The following SEC16A variants were observed in gnomAD, a reference collection of about 807,000 sequenced individuals.
SEC16A encodes the protein protein transport protein Sec16A.
A neutral mutation model predicts 221.9 loss-of-function variants in SEC16A; 110 were observed. That is an observed-to-expected ratio of 0.50 (90% CI 0.42 to 0.58). SEC16A has a LOEUF of 0.58. Ranked by LOEUF, SEC16A falls within the 20% of genes least tolerant of loss-of-function variation. The pLI is 0.00. For missense variants in SEC16A, 3,165 were observed against 3,097.8 expected (o/e 1.02, Z -0.52); for synonymous variants, 1,393 against 1,257.7 (o/e 1.11, Z -2.28).
At position 136,461,164 on chromosome 9, in the gene SEC16A, T is replaced by G; in HGVS notation, c.4991+13A>C. On this transcript the variant is annotated intron_variant, in intron 13 of 31. Transcript: ENST00000684901. ...AGGGCTCGCCACTGGACCAGGCCAC[T>G]GTGGGACTGTACCTGGTCATGACTC... 6.3e-7 allele frequency: 1 copy of G among 1,589,392 alleles called. No individual in the cohort carries two copies. The highest frequency in any genetic ancestry group is 8.6e-7 in the Non-Finnish European group (1 of 1,166,006).
Position 136,475,967 on chromosome 9 carries a change from T to G in SEC16A, c.1649A>C (p.Glu550Ala). 6.2e-7 allele frequency: 1 copy of G among 1,613,432 alleles called. No homozygotes were observed. Among genetic ancestry groups the G allele is most frequent in the Non-Finnish European group, 8.5e-7 (1 of 1,179,890 alleles). Residue 550 changes from glutamate (E) to alanine (A), a missense_variant, in exon 3 of 32, where the codon GAA (glutamate) becomes GCA (alanine). Coordinates refer to ENST00000684901, the MANE Select transcript of SEC16A (RefSeq NM_014866.2). The surrounding 1 kb of genome is among the most constrained non-coding windows in gnomAD (Gnocchi z 5.0). ...AGCTTCATCCTCGGGTTTTCCAACT[T>G]CTTGCTGAATGAATGTGCCAACCAG... The part of the protein sequence containing the change: ...QELVGTFIQQ[E>A]VGKPEDEASG...
chr9:136,473,906 G>A (rs1204135964), intron 3 of SEC16A, 143 bp downstream of exon 3: 3 of 884,648 alleles, frequency 3.4e-6, no homozygotes, highest in Non-Finnish European at 5.1e-6. Flanking sequence ...AAGCGTTACT[G>A]GAATACTGTT....
intron 23 of SEC16A, among the ~76,000 whole-genome samples, chr9:136,450,112 G>A (rs183994917): frequency 6.6e-6 from 1 of 152,216 alleles, no homozygotes; most frequent in East Asian, 1.9e-4. Context: ...GCTGAGGCAG[G>A]AGAATTGCTT....
chr9:136,448,042 T>C (rs752794178), intron 24 of SEC16A, 42 bp downstream of exon 24: 39 of 1,578,132 alleles, frequency 2.5e-5, no homozygotes, highest in South Asian at 7.9e-5. Flanking sequence ...GAAAAATCAT[T>C]ACAATTCTTC....
intron 12 of SEC16A, among the ~76,000 whole-genome samples, chr9:136,461,666 T>G (rs1350776652): frequency 6.6e-6 from 1 of 152,170 alleles, no homozygotes; most frequent in Non-Finnish European, 1.5e-5. Context: ...GTGACTCCAG[T>G]AAGGCAGCCT....
Position 136,456,142 on chromosome 9 carries a change from C to T in SEC16A, c.5575G>A (p.Asp1859Asn), listed in dbSNP as rs779034061. ...VQMASQLRLFDPQLKEKPEEE... is the reference protein window; with the variant it reads ...VQMASQLRLFNPQLKEKPEEE... Reference sequence around the variant, plus strand: ...TCTGGCTTCTCTTTCAGCTGGGGATCGAAGAGTCGTAACTGGGAAGCCATC... The same window carrying T: ...TCTGGCTTCTCTTTCAGCTGGGGATTGAAGAGTCGTAACTGGGAAGCCATC... The change falls in exon 19 of 32, where the codon GAT becomes AAT. Residue 1859 changes from aspartate to asparagine, a missense_variant. By Grantham distance (23) the Asp-to-Asn change is conservative. Around this residue, in one of 3 missense-constraint regions of SEC16A, gnomAD observed 1,088 missense variants for 1,089.6 expected, o/e 1.00. Coordinates refer to ENST00000684901, the MANE Select transcript of SEC16A (RefSeq NM_014866.2). The T allele has an allele frequency of 1.3e-5, 21 of 1,612,160 alleles. No homozygotes were observed. The highest frequency in any genetic ancestry group is 2.2e-5 in the East Asian group (1 of 44,882).
intron 20 of SEC16A, among the ~76,000 whole-genome samples, chr9:136,454,692 T>C (rs970674742): frequency 6.6e-6 from 1 of 152,222 alleles, no homozygotes. Flanking sequence ...CATTCCTTCA[T>C]TCTTCCGACT....
chr9:136,471,643 C>G (rs550705726), intron 4 of SEC16A, among the ~76,000 whole-genome samples: 7 of 152,176 alleles, frequency 4.6e-5, no homozygotes, highest in Non-Finnish European at 7.3e-5. Flanking sequence ...AGCAAATGGC[C>G]GGACCAACAG....
At chr9:136,461,387 C>G in intron 12 of SEC16A, 113 bp from the exon 13 acceptor site, 2 of 736,124 alleles carry the variant, frequency 2.7e-6, no homozygotes, top group Non-Finnish European at 2.4e-6. Context: ...AACCCAAAGG[C>G]CTCAAAAACA....
Position 136,466,263 on chromosome 9 carries a change from C to T in SEC16A, c.4128+1G>A, listed in dbSNP as rs1840142627. The T allele has an allele frequency of 6.3e-7, 1 of 1,582,806 alleles. No individual in the cohort carries two copies. The highest frequency in any genetic ancestry group is 1.3e-5 in the African/African-American group (1 of 74,248). On this transcript the variant is annotated splice_donor_variant, in intron 7 of 31. Coordinates refer to ENST00000684901, the MANE Select transcript of SEC16A (RefSeq NM_014866.2). LOFTEE classifies it high-confidence loss of function. The surrounding 1 kb of genome is among the most constrained non-coding windows in gnomAD (Gnocchi z 5.5). Reference sequence around the variant, plus strand: ...CGTGTCTGTGAGGCGCCGCCGCGTACCTGGTGCGAGTGGGAGCTGAGGCTG... The same window carrying T: ...CGTGTCTGTGAGGCGCCGCCGCGTATCTGGTGCGAGTGGGAGCTGAGGCTG...
chr9:136,461,088 G>T, intron 13 of SEC16A, 89 bp downstream of exon 13: 1 of 988,630 alleles, frequency 1.0e-6, no homozygotes, highest in Non-Finnish European at 1.6e-6. Context: ...AGTGAGATCC[G>T]CCTGCCGCCT....
At position 136,468,881 on chromosome 9, in the gene SEC16A, A is replaced by T. The variant is rs148528823; in HGVS notation, c.3705-369T>A. Among the ~76,000 whole-genome samples, 12 of 152,040 alleles carry T rather than the reference A, an allele frequency of 7.9e-5. No individual in the cohort carries two copies. In the East Asian group the frequency reaches 2.1e-3, roughly 27 times the overall value. ...CTTTTTTTTTCTTGAGACAGGTTTC[A>T]CTCTGTCGCATAGGCTGGAGTGCAG... On this transcript the variant is annotated intron_variant, in intron 4 of 31. Coordinates refer to ENST00000684901, the MANE Select transcript of SEC16A (RefSeq NM_014866.2).
Position 136,477,679 on chromosome 9 carries a change from T to G in SEC16A, c.-64A>C. 1 of 1,477,068 alleles carries G rather than the reference T, an allele frequency of 6.8e-7. No homozygotes were observed. The highest frequency in any genetic ancestry group is 2.4e-5 in the East Asian group (1 of 41,538). 91.5% of individuals were successfully genotyped at this position (1,477,068 alleles called of 1,614,324 possible). On this transcript the variant is annotated 5_prime_UTR_variant, in exon 3 of 32. Coordinates refer to ENST00000684901, the MANE Select transcript of SEC16A (RefSeq NM_014866.2). Reference sequence around the variant, plus strand: ...GAAGCAGGATATAGCTGTTCCTTAATTGGAGCTGGAAAAGAAAAAGAGAAA... The same window carrying G: ...GAAGCAGGATATAGCTGTTCCTTAAGTGGAGCTGGAAAAGAAAAAGAGAAA...
intron 5 of SEC16A, among the ~76,000 whole-genome samples, chr9:136,468,057 TTTTTCATTTCACTTCC>T (rs1294346132): frequency 6.6e-6 from 1 of 152,144 alleles, no homozygotes. Context: ...GAGGAGATGG[TTTTTCATTTCACTTCC>T]TTTTCATCCG....
Position 136,459,822 on chromosome 9 carries a change from A to G in SEC16A, c.5126T>C (p.Leu1709Ser). The G allele has an allele frequency of 6.2e-7, 1 of 1,613,670 alleles. No homozygotes were observed. Among genetic ancestry groups the G allele is most frequent in the East Asian group, 2.2e-5 (1 of 44,882 alleles). The change falls in exon 15 of 32, where the codon TTG (leucine) becomes TCG (serine). Residue 1709 changes from leucine to serine, a missense_variant. Around this residue, in one of 3 missense-constraint regions of SEC16A, gnomAD observed 1,088 missense variants for 1,089.6 expected, o/e 1.00. Coordinates refer to ENST00000684901, the MANE Select transcript of SEC16A (RefSeq NM_014866.2). This position sits in a 1 kb window ranked among gnomAD's most constrained non-coding sequence, Gnocchi z 6.1. ...GTCCATGTTGTTGTTCAAGTTGGAC[A>G]AGACCATGGCGAGGTGCGGCCTCCA... Reference protein sequence around the residue: ...GDWRPHLAMVLSNLNNNMDVE... With the variant: ...GDWRPHLAMVSSNLNNNMDVE...
In SEC16A at chr9:136,466,598, G is replaced by GC. The variant is rs1840195259; in HGVS notation, c.3930-137dup. On this transcript the variant is annotated intron_variant, in intron 6 of 31. Coordinates refer to ENST00000684901, the MANE Select transcript of SEC16A (RefSeq NM_014866.2). The surrounding 1 kb of genome is among the most constrained non-coding windows in gnomAD (Gnocchi z 5.5). ...CAACACAGCACACCCGACACTCAGG[G>GC]CCCTCTGACGTGCAACGTTAGAGAA... 1 of 791,570 alleles carries GC rather than the reference G, an allele frequency of 1.3e-6. No individual in the cohort carries two copies. The highest frequency in any genetic ancestry group is 2.9e-5 in the Admixed American group (1 of 34,196). The allele number at this position is 791,570 out of a possible 1,614,324, so 49.0% of individuals were successfully genotyped here. A position where few individuals can be genotyped will look rare whatever the true frequency, so the allele number is the denominator to read the frequency against.
At position 136,445,069 on chromosome 9, in the gene SEC16A, T is replaced by A. The variant is rs1415737578; in HGVS notation, c.6910A>T (p.Ser2304Cys). ...SSMSSLSREV[S>C]QHFNQAPGDL... ...GCAGGTACCTGATTAAAATGCTGGCTCACTTCACGTGATAATGAACTCATT... is the reference window on the plus strand; with the variant it reads ...GCAGGTACCTGATTAAAATGCTGGCACACTTCACGTGATAATGAACTCATT... Residue 2304 changes from serine (S) to cysteine (C), a missense_variant, in exon 30 of 32, where the codon AGC (serine) becomes TGC (cysteine). Around this residue, in one of 3 missense-constraint regions of SEC16A, gnomAD observed 1,088 missense variants for 1,089.6 expected, o/e 1.00. Transcript: ENST00000684901. 3 of 1,607,042 alleles carry A rather than the reference T, an allele frequency of 1.9e-6. No homozygotes were observed. The East Asian group carries it at 6.7e-5, about 36-fold the overall frequency.
At chr9:136,470,661 G>T (rs1373641820) in intron 4 of SEC16A, among the ~76,000 whole-genome samples, 1 of 152,156 alleles carries the variant, frequency 6.6e-6, no homozygotes, top group African/African-American at 2.4e-5. Context: ...GCTGCACACC[G>T]CCCAGTGCAT....
Position 136,463,010 on chromosome 9 carries a change from C to CAA in SEC16A, c.4769_4770insTT (p.Glu1591TrpfsTer49). ...GGGCCTCACCAGACTCCTCCTCTTC[C>CAA]ACCTGCTCCACTGCCTCATTCGTGA... On this transcript the variant is annotated frameshift_variant, in exon 12 of 32. Transcript: ENST00000684901. LOFTEE classifies it high-confidence loss of function. 6.2e-7 allele frequency: 1 copy of CAA among 1,611,744 alleles called. No individual in the cohort carries two copies. Among genetic ancestry groups the CAA allele is most frequent in the Non-Finnish European group, 8.5e-7 (1 of 1,179,896 alleles).
Sources: gnomAD v4.1 joint callset for allele counts (sites outside exome capture counted in the v4.1 genomes callset) on GRCh38, gnomAD v4.1.1 for gene constraint, gnomAD v4.1.1 regional missense constraint, Gnocchi (gnomAD v3.1) non-coding constraint, MANE v1.5 for transcripts, NCBI Gene and HGNC (gene_info 2026-07-23, HGNC 2026-07-21) for gene names.